COX19: variants seen among roughly 807,000 people sequenced by gnomAD.
The protein encoded by COX19 is cytochrome c oxidase assembly protein COX19.
A neutral mutation model predicts 6.8 loss-of-function variants in COX19; 8 were observed. That is an observed-to-expected ratio of 1.18 (90% CI 0.69 to 2.12). The LOEUF (loss-of-function observed/expected upper bound fraction) is 2.12. Ranked by LOEUF, COX19 falls within the 30% of genes most tolerant of loss-of-function variation. COX19 has a pLI of 0.00. For missense variants in COX19, 131 were observed against 104.6 expected (o/e 1.25, Z -1.10); for synonymous variants, 51 against 38.0 (o/e 1.34, Z -1.26).
intron 1 of COX19, among the ~76,000 whole-genome samples, chr7:974,250 T>TAA (rs748066628): frequency 0.14 from 11,432 of 83,898 alleles, 638 homozygotes; most frequent in African/African-American, 0.2. Flanking sequence ...ACCCCATCTC[T>TAA]AAAAAAAAAA....
At chr7:970,046 C>T (rs984349643) in intron 2 of COX19, among the ~76,000 whole-genome samples, 2 of 150,166 alleles carry the variant, frequency 1.3e-5, no homozygotes, top group Admixed American at 6.6e-5. Context: ...TTCAAGTTCA[C>T]TGCAGCCTTG....
At position 966,481 on chromosome 7, in the gene COX19, A is replaced by C. The variant is rs1847556943; in HGVS notation, c.*2897T>G. ...TTTATTTTCACGCTCACACTGCCCC[A>C]GGCTGGCCACCGTATGCTCCTTCCC... On this transcript the variant is annotated 3_prime_UTR_variant, in exon 3 of 3. Coordinates refer to ENST00000344111, the MANE Select transcript of COX19 (RefSeq NM_001031617.3). 1 of 152,310 alleles carries C rather than the reference A, an allele frequency of 6.6e-6. No individual in the cohort carries two copies. Among genetic ancestry groups the C allele is most frequent in the Non-Finnish European group, 1.5e-5 (1 of 68,128 alleles). 9.4% of individuals were successfully genotyped at this position (152,310 alleles called of 1,614,324 possible).
At chr7:972,104 G>A (rs766041407) in intron 2 of COX19, among the ~76,000 whole-genome samples, 1 of 152,108 alleles carries the variant, frequency 6.6e-6, no homozygotes, top group Non-Finnish European at 1.5e-5. Context: ...GCTTGGCAGC[G>A]CCATGGAGAA....
intron 1 of COX19, 196 bp downstream of exon 1, chr7:975,232 G>A (rs1433666127): frequency 2.3e-6 from 1 of 434,594 alleles, no homozygotes; most frequent in Non-Finnish European, 4.1e-6. Context: ...CGGGGGCCAC[G>A]GTCCTGCCAG....
intron 2 of COX19, among the ~76,000 whole-genome samples, chr7:969,880 C>G (rs754995148): frequency 6.6e-6 from 1 of 152,120 alleles, no homozygotes; most frequent in Non-Finnish European, 1.5e-5. Context: ...CCACTGTCCA[C>G]GGCACCCTGG....
At chr7:973,331 GA>G in intron 1 of COX19, 39 bp from the exon 2 acceptor site, 1 of 1,529,404 alleles carries the variant, frequency 6.5e-7, no homozygotes, top group Non-Finnish European at 8.8e-7. Flanking sequence ...TTTTCAGAGT[GA>G]AAAGTGATGC....
intron 2 of COX19, among the ~76,000 whole-genome samples, chr7:971,223 T>C (rs997282156): frequency 6.6e-6 from 1 of 152,330 alleles, no homozygotes; most frequent in Middle Eastern, 3.4e-3. Context: ...CTGCAGAGGC[T>C]TGAGATCTCA....
chr7:973,329 G>C, intron 1 of COX19, 37 bp from the exon 2 acceptor site: 1 of 1,531,416 alleles, frequency 6.5e-7, no homozygotes, highest in South Asian at 1.3e-5. Context: ...TCTTTTCAGA[G>C]TGAAAAGTGA....
Position 968,919 on chromosome 7 carries a change from T to C in COX19, c.*459A>G, listed in dbSNP as rs1847596766. On this transcript the variant is annotated 3_prime_UTR_variant, in exon 3 of 3. Transcript: ENST00000344111. ...CTCACTTCCTACTTTGTGTTCCACT[T>C]TTTTTTTTTTTCAAAGGAAATGAAC... 9.0e-6 allele frequency: 1 copy of C among 110,582 alleles called. No homozygotes were observed. The highest frequency in any genetic ancestry group is 1.8e-5 in the Non-Finnish European group (1 of 56,916). 6.9% of individuals were successfully genotyped at this position (110,582 alleles called of 1,614,324 possible).
intron 1 of COX19, 42 bp downstream of exon 1, chr7:975,386 C>A: frequency 6.8e-7 from 1 of 1,475,764 alleles, no homozygotes; most frequent in Non-Finnish European, 9.2e-7. Context: ...CGACCCAGAC[C>A]CCCCATCGCA....
Position 969,301 on chromosome 7 carries a change from G to A in COX19, c.*77C>T. On this transcript the variant is annotated 3_prime_UTR_variant, in exon 3 of 3. Transcript: ENST00000344111. The stretch of plus-strand genomic sequence containing the variant: ...CTAAGGACACCACACGCAGGCCTCA[G>A]CCAACCTAAGAGGCAGGATGATGCC... 1 of 932,268 alleles carries A rather than the reference G, an allele frequency of 1.1e-6. No homozygotes were observed. 57.7% of individuals were successfully genotyped at this position (932,268 alleles called of 1,614,324 possible).
chr7:969,388 G>A lies in COX19; in HGVS notation c.263C>T (p.Ala88Val). 6.2e-7 allele frequency: 1 copy of A among 1,603,774 alleles called. No homozygotes were observed. The highest frequency in any genetic ancestry group is 8.5e-7 in the Non-Finnish European group (1 of 1,170,742). The change falls in exon 3 of 3, where the codon GCA becomes GTA. Residue 88 changes from alanine (A) to valine (V), a missense_variant. Transcript: ENST00000344111. The part of the protein sequence containing the change: ...FGDLTSGKSE[A>V]KK The stretch of plus-strand genomic sequence containing the variant: ...TCTTCTCATCAAAATTCATTTTTTT[G>A]CCTCTGATTTTCCACTAGTCAAGTC...
chr7:973,660 AC>A (rs1222877022), intron 1 of COX19, among the ~76,000 whole-genome samples: 6 of 151,828 alleles, frequency 4.0e-5, no homozygotes, highest in Admixed American at 1.3e-4. Context: ...ACAGATCAAG[AC>A]CTTGTCTCCT....
rs1418872741 is a variant in COX19, at chr7:966,052, C to CA, written c.*3325dup. The CA allele has an allele frequency of 6.6e-6, 1 of 152,236 alleles. No individual in the cohort carries two copies. The highest frequency in any genetic ancestry group is 2.4e-5 in the African/African-American group (1 of 41,452). The allele number at this position is 152,236 out of a possible 1,614,324, so 9.4% of individuals were successfully genotyped here. ...AATAAGACAGACCTGGCCCTCCCCC[C>CA]ACTGACATGTTTACGCAATTACTTA... On this transcript the variant is annotated 3_prime_UTR_variant, in exon 3 of 3. Coordinates refer to ENST00000344111, the MANE Select transcript of COX19 (RefSeq NM_001031617.3).
intron 2 of COX19, among the ~76,000 whole-genome samples, chr7:970,141 C>G (rs1416853086): frequency 2.6e-5 from 4 of 151,372 alleles, no homozygotes; most frequent in Non-Finnish European, 4.4e-5. Flanking sequence ...TGGCTAATTT[C>G]TTTTTTTCTC....
At chr7:973,381 T>A (rs1175268323) in intron 1 of COX19, 89 bp from the exon 2 acceptor site, 8 of 1,416,440 alleles carry the variant, frequency 5.6e-6, no homozygotes, top group Non-Finnish European at 2.8e-6. Context: ...TGCTTTTCCT[T>A]TCAAAACTTG....
Position 973,230 on chromosome 7 carries a change from C to G in COX19, c.145G>C (p.Ala49Pro). 6.2e-7 allele frequency: 1 copy of G among 1,606,690 alleles called. No homozygotes were observed. The highest frequency in any genetic ancestry group is 8.5e-7 in the Non-Finnish European group (1 of 1,176,884). The part of the protein sequence containing the change: ...KCLHNNNFEN[A>P]LCRKESKEYL... The stretch of plus-strand genomic sequence containing the variant: ...TCTTTTGATTCCTTTCTGCACAAAG[C>G]ATTTTCAAAATTATTGTTATGAAGA... Residue 49 changes from alanine to proline, a missense_variant, in exon 2 of 3, where the codon GCT becomes CCT. Ala to Pro is a conservative substitution (Grantham distance 27). Coordinates refer to ENST00000344111, the MANE Select transcript of COX19 (RefSeq NM_001031617.3).
intron 1 of COX19, among the ~76,000 whole-genome samples, chr7:973,754 TCAGGAGTTCAA>T (rs2128117526): frequency 6.6e-6 from 1 of 151,856 alleles, no homozygotes; most frequent in Non-Finnish European, 1.5e-5. Context: ...TCACCTGAGG[TCAGGAGTTCAA>T]GACCAGCTCG....
At chr7:969,962 T>A (rs957690988) in intron 2 of COX19, among the ~76,000 whole-genome samples, 2 of 150,442 alleles carry the variant, frequency 1.3e-5, no homozygotes, top group Non-Finnish European at 3.0e-5. Context: ...TGATATTTTT[T>A]TTTTTTTTTT....
Sources: allele counts gnomAD v4.1 joint callset (sites outside exome capture counted in the v4.1 genomes callset), GRCh38; gene constraint gnomAD v4.1.1; transcripts MANE v1.5; gene names NCBI Gene and HGNC (gene_info 2026-07-23, HGNC 2026-07-21).